CCDC170: variants seen among roughly 807,000 people sequenced by gnomAD.
The protein encoded by CCDC170 is coiled-coil domain-containing protein 170.
CCDC170 carries 69 observed loss-of-function variants against 72.6 expected under a neutral mutation model. The ratio of observed to expected loss-of-function variants is 0.95; its 90% CI spans 0.78 to 1.16. CCDC170 has a LOEUF of 1.16. CCDC170 is among the 50% of genes most tolerant of loss of function. The probability of loss-of-function intolerance (pLI) is 0.00; values close to 1 mark genes in which losing one functional copy is unlikely to be tolerated. For missense variants in CCDC170, 852 were observed against 832.5 expected, an observed-to-expected ratio of 1.02 and a Z score of -0.29; for synonymous variants, 300 against 303.9, an observed-to-expected ratio of 0.99 and a Z score of 0.13.
intron 10 of CCDC170, 144 bp downstream of exon 10, chr6:151,615,823 G>A (rs1226569379): frequency 1.3e-5 from 9 of 666,778 alleles, no homozygotes; most frequent in East Asian, 5.2e-5. Flanking sequence ...TACGAGGGCC[G>A]TGCTAATTTT....
chr6:151,527,224 G>C (rs898292302), intron 1 of CCDC170, among the ~76,000 whole-genome samples: 1 of 152,044 alleles, frequency 6.6e-6, no homozygotes, highest in Non-Finnish European at 1.5e-5. Context: ...AACTGAATAA[G>C]AGTAACACCC....
intron 9 of CCDC170, 39 bp downstream of exon 9, chr6:151,596,616 G>T (rs1583044114): frequency 1.2e-6 from 2 of 1,607,396 alleles, no homozygotes; most frequent in Non-Finnish European, 1.7e-6. Context: ...CTTTTTGCTG[G>T]TTACTGTCAA....
chr6:151,497,872 A>G lies in CCDC170; in HGVS notation c.57+3687A>G, dbSNP rs141782353. 2.5e-3 allele frequency among the ~76,000 whole-genome samples: 352 copies of G among 138,984 alleles called. 10 individuals carry two copies. In the East Asian group the frequency reaches 0.076, roughly 30 times the overall value. The allele number at this position is 138,984 out of a possible 152,430, so 91.2% of individuals were successfully genotyped here. A position where few individuals can be genotyped will look rare whatever the true frequency, so the allele number is the denominator to read the frequency against. On this transcript the variant is annotated intron_variant, in intron 1 of 10. Coordinates refer to ENST00000239374, the MANE Select transcript of CCDC170 (RefSeq NM_025059.4). ...GTGCCTGTAATCCCAGTTACTGGGGAGGCTGAGGCAGGAGAATTGCCTGAA... is the reference window on the plus strand; with the variant it reads ...GTGCCTGTAATCCCAGTTACTGGGGGGGCTGAGGCAGGAGAATTGCCTGAA...
Position 151,544,691 on chromosome 6 carries a change from C to A in CCDC170, c.563C>A (p.Ala188Glu), listed in dbSNP as rs925494118. 1.9e-6 allele frequency: 3 copies of A among 1,612,004 alleles called. No homozygotes were observed. Among genetic ancestry groups the A allele is most frequent in the Admixed American group, 1.7e-5 (1 of 59,964 alleles). ...CLDPDERNDKASDEDLILKLR... is the reference protein window; with the variant it reads ...CLDPDERNDKESDEDLILKLR... ...GATCCAGATGAGAGGAATGACAAGGCATCAGATGAAGATTTAATTTTAAAG... is the reference window on the plus strand; with the variant it reads ...GATCCAGATGAGAGGAATGACAAGGAATCAGATGAAGATTTAATTTTAAAG... Residue 188 changes from alanine to glutamate, a missense_variant, in exon 4 of 11, where the codon GCA (alanine) becomes GAA (glutamate). Coordinates refer to ENST00000239374, the MANE Select transcript of CCDC170 (RefSeq NM_025059.4).
chr6:151,508,570 G>A (rs896082421), intron 1 of CCDC170, among the ~76,000 whole-genome samples: 3 of 151,862 alleles, frequency 2.0e-5, no homozygotes, highest in Non-Finnish European at 2.9e-5. Flanking sequence ...AAAATTAGCC[G>A]GGAGTGGTAG....
Position 151,618,358 on chromosome 6 carries a change from A to G in CCDC170, c.*211A>G, listed in dbSNP as rs1777003776. ...AACGCCTATTATTTCATTTACTAGC[A>G]TTTTAGGATCCAGAAGAATTCCACC... On this transcript the variant is annotated 3_prime_UTR_variant, in exon 11 of 11. Transcript: ENST00000239374. 1.8e-6 allele frequency: 1 copy of G among 542,032 alleles called. No homozygotes were observed. The highest frequency in any genetic ancestry group is 3.0e-5 in the East Asian group (1 of 33,658). The allele number at this position is 542,032 out of a possible 1,614,324, so 33.6% of individuals were successfully genotyped here. A position where few individuals can be genotyped will look rare whatever the true frequency, so the allele number is the denominator to read the frequency against.
intron 1 of CCDC170, among the ~76,000 whole-genome samples, chr6:151,533,356 C>A (rs1782523189): frequency 6.6e-6 from 1 of 151,746 alleles, no homozygotes; most frequent in Non-Finnish European, 1.5e-5. Context: ...ACCTGGCCGA[C>A]TATTTCATTC....
At chr6:151,543,101 G>A (rs532615436) in intron 3 of CCDC170, among the ~76,000 whole-genome samples, 1 of 152,040 alleles carries the variant, frequency 6.6e-6, no homozygotes, top group South Asian at 2.1e-4. Context: ...TTTAAAAAAT[G>A]ACACTAAATT....
At chr6:151,527,983 G>C (rs1782437497) in intron 1 of CCDC170, among the ~76,000 whole-genome samples, 1 of 152,044 alleles carries the variant, frequency 6.6e-6, no homozygotes, top group Admixed American at 6.6e-5. Flanking sequence ...AGATAATTTG[G>C]CACATTGTAT....
intron 9 of CCDC170, among the ~76,000 whole-genome samples, chr6:151,611,370 C>G (rs1324302201): frequency 6.6e-6 from 1 of 152,134 alleles, no homozygotes; most frequent in African/African-American, 2.4e-5. Context: ...AAATTTCTTA[C>G]AGTTCTAGAG....
At chr6:151,494,281 C>T (rs1029141629) in intron 1 of CCDC170, 96 bp downstream of exon 1, 3 of 1,268,624 alleles carry the variant, frequency 2.4e-6, no homozygotes, top group Non-Finnish European at 3.1e-6. Context: ...CTTTTCCTCC[C>T]GGAGGCGTGG....
Position 151,573,449 on chromosome 6 carries a change from G to C in CCDC170, c.1050G>C (p.Glu350Asp). The C allele has an allele frequency of 6.2e-7, 1 of 1,614,112 alleles. No homozygotes were observed. The highest frequency in any genetic ancestry group is 8.5e-7 in the Non-Finnish European group (1 of 1,179,988). ...GGTCCACTGAGGACACCATTTTGGAGAAGATTCGAGAAATGGACAGCCGGG... is the reference window on the plus strand; with the variant it reads ...GGTCCACTGAGGACACCATTTTGGACAAGATTCGAGAAATGGACAGCCGGG... ...MTGSTEDTIL[E>D]KIREMDSREE... Residue 350 changes from glutamate to aspartate, a missense_variant, in exon 6 of 11, where the codon GAG (glutamate) becomes GAC (aspartate). Coordinates refer to ENST00000239374, the MANE Select transcript of CCDC170 (RefSeq NM_025059.4).
At chr6:151,606,429 C>A (rs566816404) in intron 9 of CCDC170, among the ~76,000 whole-genome samples, 1 of 152,076 alleles carries the variant, frequency 6.6e-6, no homozygotes, top group Non-Finnish European at 1.5e-5. Flanking sequence ...TGTAGAATTT[C>A]CAAAGTTTCT....
intron 1 of CCDC170, among the ~76,000 whole-genome samples, chr6:151,519,987 C>T (rs888747644): frequency 4.6e-5 from 7 of 152,290 alleles, no homozygotes; most frequent in African/African-American, 1.7e-4. Flanking sequence ...TGTGACTATA[C>T]TTTATGATCT....
intron 5 of CCDC170, among the ~76,000 whole-genome samples, chr6:151,564,427 G>T (rs533739076): frequency 6.6e-6 from 1 of 152,096 alleles, no homozygotes; most frequent in African/African-American, 2.4e-5. Context: ...TTCTTAGGCC[G>T]CAGGGTGGCA....
At chr6:151,538,334 C>T in intron 3 of CCDC170, 33 bp downstream of exon 3, 1 of 1,583,314 alleles carries the variant, frequency 6.3e-7, no homozygotes, top group Non-Finnish European at 8.6e-7. Flanking sequence ...TTCGCTTTAG[C>T]TAGCATTAAA....
At chr6:151,591,689 G>A (rs985051686) in intron 7 of CCDC170, among the ~76,000 whole-genome samples, 1 of 151,970 alleles carries the variant, frequency 6.6e-6, no homozygotes, top group Non-Finnish European at 1.5e-5. Flanking sequence ...TAGAGACGGG[G>A]TTTCACTGTG....
intron 9 of CCDC170, among the ~76,000 whole-genome samples, chr6:151,607,469 G>A (rs1325440980): frequency 6.6e-6 from 1 of 152,036 alleles, no homozygotes; most frequent in African/African-American, 2.4e-5. Context: ...TTAATAGTGA[G>A]TTTTAACTTT....
chr6:151,541,343 A>T (rs906309153), intron 3 of CCDC170, among the ~76,000 whole-genome samples: 1 of 152,108 alleles, frequency 6.6e-6, no homozygotes, highest in Non-Finnish European at 1.5e-5. Context: ...TATTTTGATT[A>T]TTGTCCATCT....
Sources: allele counts gnomAD v4.1 joint callset (sites outside exome capture counted in the v4.1 genomes callset), GRCh38; gene constraint gnomAD v4.1.1; transcripts MANE v1.5; gene names NCBI Gene and HGNC (gene_info 2026-07-23, HGNC 2026-07-21).